WDTC1: variants seen among roughly 807,000 people sequenced by gnomAD.
The protein encoded by WDTC1 is WD and tetratricopeptide repeats 1.
A neutral mutation model predicts 76.0 loss-of-function variants in WDTC1; 12 were observed. That is an observed-to-expected ratio of 0.16 (90% CI 0.10 to 0.26). WDTC1 has a LOEUF of 0.26. Among genes scored for constraint, WDTC1 ranks in the 10% least tolerant of loss-of-function variants. The pLI is 1.00. For missense variants in WDTC1, 511 were observed against 908.8 expected (o/e 0.56, Z 5.63); for synonymous variants, 326 against 350.8 (o/e 0.93, Z 0.79).
At chr1:27,299,034 G>A (rs1258062421) in intron 12 of WDTC1, among the ~76,000 whole-genome samples, 2 of 152,224 alleles carry the variant, frequency 1.3e-5, no homozygotes, top group African/African-American at 4.8e-5. Flanking sequence ...GCCAAACCCA[G>A]GAGATGACTG....
At chr1:27,237,275 C>T (rs889233749) in intron 1 of WDTC1, among the ~76,000 whole-genome samples, 4 of 152,178 alleles carry the variant, frequency 2.6e-5, no homozygotes, top group South Asian at 2.1e-4. Flanking sequence ...TGACCACTCT[C>T]TTCTCTCTTT....
chr1:27,237,971 C>A (rs1557471855), intron 1 of WDTC1, among the ~76,000 whole-genome samples: 1 of 152,042 alleles, frequency 6.6e-6, no homozygotes, highest in Non-Finnish European at 1.5e-5. Flanking sequence ...TAAAAAGTGA[C>A]TGACATTTTA....
chr1:27,293,593 T>C (rs1357924222), intron 7 of WDTC1, among the ~76,000 whole-genome samples: 3 of 152,154 alleles, frequency 2.0e-5, no homozygotes, highest in Admixed American at 1.3e-4. Context: ...CTAGTTCTTA[T>C]AACACTCAGA....
chr1:27,292,244 A>G lies in WDTC1; in HGVS notation c.509A>G (p.His170Arg). 1 of 1,605,348 alleles carries G rather than the reference A, an allele frequency of 6.2e-7. No individual in the cohort carries two copies. The highest frequency in any genetic ancestry group is 8.5e-7 in the Non-Finnish European group (1 of 1,175,628). ...RQYDLRENSK[H>R]SEVLIDLTEY... ...TATGACCTTCGAGAGAACAGCAAAC[A>G]CTCGGAGGTGCTGATTGACCTGACA... Residue 170 changes from histidine to arginine, a missense_variant, in exon 7 of 16, where the codon CAC (histidine) becomes CGC (arginine). Transcript: ENST00000319394.
At chr1:27,244,948 A>G (rs1414700385) in intron 1 of WDTC1, among the ~76,000 whole-genome samples, 1 of 152,042 alleles carries the variant, frequency 6.6e-6, no homozygotes, top group Non-Finnish European at 1.5e-5. Context: ...GCATAGTGTC[A>G]TCGGAAGGGG....
intron 6 of WDTC1, among the ~76,000 whole-genome samples, chr1:27,289,556 A>C (rs2013467384): frequency 6.6e-6 from 1 of 152,086 alleles, no homozygotes; most frequent in Non-Finnish European, 1.5e-5. Context: ...GGCCAGGCAG[A>C]GACGCTCCTC....
rs533165567 is a variant in WDTC1 at position 27,305,475 on chromosome 1, G to C, written c.1836+282G>C. ...CAGTCTCCTCACTCGCTGCCTGAGA[G>C]ACTTCACCATCTCTGACCCAGGCTT... On this transcript the variant is annotated intron_variant, in intron 15 of 15. Coordinates refer to ENST00000319394, the MANE Select transcript of WDTC1 (RefSeq NM_001276252.2). The surrounding 1 kb of genome is among the most constrained non-coding windows in gnomAD (Gnocchi z 4.6). Among the ~76,000 whole-genome samples, 607 of 152,342 alleles carry C rather than the reference G, an allele frequency of 4.0e-3. 2 individuals are homozygous for C. The highest frequency in any genetic ancestry group is 7.0e-3 in the Non-Finnish European group (474 of 68,036).
At chr1:27,261,567 CTG>C (rs2012476040) in intron 2 of WDTC1, among the ~76,000 whole-genome samples, 1 of 152,198 alleles carries the variant, frequency 6.6e-6, no homozygotes, top group South Asian at 2.1e-4. Context: ...AGAAGACACT[CTG>C]ATACCTGTGA....
intron 1 of WDTC1, among the ~76,000 whole-genome samples, chr1:27,241,888 CTGTTTTTTTT>C (rs1406606845): frequency 1.3e-5 from 2 of 150,328 alleles, no homozygotes; most frequent in South Asian, 2.1e-4. Context: ...ATGTCTCACA[CTGTTTTTTTT>C]TGTTTTTTTT....
chr1:27,284,397 A>AAG (rs1324594572), intron 5 of WDTC1, among the ~76,000 whole-genome samples: 1 of 152,238 alleles, frequency 6.6e-6, no homozygotes, highest in Non-Finnish European at 1.5e-5. Flanking sequence ...TCACTATTCT[A>AAG]AGAAATATTT....
intron 5 of WDTC1, among the ~76,000 whole-genome samples, chr1:27,285,092 A>C (rs1205066393): frequency 1.4e-5 from 2 of 140,288 alleles, no homozygotes; most frequent in Non-Finnish European, 3.0e-5. Context: ...GCTGGAGTGC[A>C]GTTGGCACAA....
intron 3 of WDTC1, among the ~76,000 whole-genome samples, chr1:27,265,418 ATTG>A (rs1364829558): frequency 2.0e-5 from 3 of 152,106 alleles, no homozygotes; most frequent in Non-Finnish European, 2.9e-5. Flanking sequence ...TGTGTTTTTT[ATTG>A]TTGTTTTTTA....
chr1:27,259,430 A>G (rs1033750380), intron 1 of WDTC1, among the ~76,000 whole-genome samples: 11 of 151,446 alleles, frequency 7.3e-5, no homozygotes, highest in Non-Finnish European at 1.2e-4. Flanking sequence ...AACCTCCCAA[A>G]GTACTGGGAT....
chr1:27,261,205 A>G, intron 2 of WDTC1, 103 bp downstream of exon 2: 3 of 1,380,868 alleles, frequency 2.2e-6, no homozygotes, highest in Non-Finnish European at 3.0e-6. Flanking sequence ...GACTTGCCTA[A>G]AGTCACGTAG....
chr1:27,241,635 A>T (rs1041344082), intron 1 of WDTC1, among the ~76,000 whole-genome samples: 1 of 152,216 alleles, frequency 6.6e-6, no homozygotes, highest in African/African-American at 2.4e-5. Flanking sequence ...CTTCTCTACA[A>T]GAGATATTTT....
At chr1:27,293,289 G>A (rs1402840473) in intron 7 of WDTC1, among the ~76,000 whole-genome samples, 10 of 150,928 alleles carry the variant, frequency 6.6e-5, no homozygotes, top group African/African-American at 1.9e-4. Context: ...AAAATTAGCC[G>A]GGCGTGGTGG....
At chr1:27,282,897 T>G (rs949205877) in intron 4 of WDTC1, among the ~76,000 whole-genome samples, 1 of 151,166 alleles carries the variant, frequency 6.6e-6, no homozygotes, top group African/African-American at 2.4e-5. Context: ...CCTAGCACTT[T>G]GGGAGGCCGA....
chr1:27,282,231 T>G lies in WDTC1; in HGVS notation c.133-8T>G, dbSNP rs1224632711. 3.7e-6 allele frequency: 6 copies of G among 1,613,224 alleles called. No individual in the cohort carries two copies. The highest frequency in any genetic ancestry group is 5.1e-6 in the Non-Finnish European group (6 of 1,179,612). ...ACTCTCTTCCTGTCTCTTCATTTGC[T>G]CCCCCAGGGTCACTCAGGATGTGTC... On this transcript the variant is annotated splice_region_variant and splice_polypyrimidine_tract_variant and intron_variant, in intron 3 of 15. Transcript: ENST00000319394.
At chr1:27,258,789 C>T (rs557529866) in intron 1 of WDTC1, among the ~76,000 whole-genome samples, 1 of 152,260 alleles carries the variant, frequency 6.6e-6, no homozygotes, top group South Asian at 2.1e-4. Context: ...AAGGAGTCTG[C>T]TCACAGATCA....
Sources: gnomAD v4.1 joint callset for allele counts (sites outside exome capture counted in the v4.1 genomes callset) on GRCh38, gnomAD v4.1.1 for gene constraint, Gnocchi (gnomAD v3.1) non-coding constraint, MANE v1.5 for transcripts, NCBI Gene and HGNC (gene_info 2026-07-23, HGNC 2026-07-21) for gene names.